Variants in TMTC4 observed in about 807,000 individuals in gnomAD.
TMTC4 encodes the protein protein O-mannosyl-transferase TMTC4.
In TMTC4, 65 loss-of-function variants were observed where a neutral mutation model predicts 86.0. The ratio of observed to expected loss-of-function variants is 0.76; its 90% CI spans 0.62 to 0.93. The LOEUF (loss-of-function observed/expected upper bound fraction) is 0.93. TMTC4 is among the 40% of genes least tolerant of loss of function. TMTC4 has a pLI of 0.00. For synonymous variants in TMTC4, 379 were observed against 382.5 expected, an observed-to-expected ratio of 0.99 and a Z score of 0.11; for missense variants, 866 against 948.1, an observed-to-expected ratio of 0.91 and a Z score of 1.14.
At chr13:100,667,012 T>G (rs1886474721) in intron 3 of TMTC4, among the ~76,000 whole-genome samples, 1 of 151,920 alleles carries the variant, frequency 6.6e-6, no homozygotes, top group Non-Finnish European at 1.5e-5. Flanking sequence ...AAGCCACCAG[T>G]TTGACATAAA....
At chr13:100,652,558 AAT>A (rs200665752) in intron 6 of TMTC4, among the ~76,000 whole-genome samples, 1 of 151,904 alleles carries the variant, frequency 6.6e-6, no homozygotes, top group Non-Finnish European at 1.5e-5. Flanking sequence ...TCCAAATGAA[AAT>A]ATATATATAT....
chr13:100,657,915 G>A (rs1267786960), intron 5 of TMTC4, among the ~76,000 whole-genome samples: 1 of 152,134 alleles, frequency 6.6e-6, no homozygotes, highest in African/African-American at 2.4e-5. Flanking sequence ...TGGTTGGTAC[G>A]TGGCAGCCCG....
At chr13:100,629,506 G>A (rs1881033736) in intron 12 of TMTC4, among the ~76,000 whole-genome samples, 1 of 152,140 alleles carries the variant, frequency 6.6e-6, no homozygotes, top group Admixed American at 6.5e-5. Flanking sequence ...TGTGAAGTTG[G>A]ATTAGAACCA....
intron 3 of TMTC4, among the ~76,000 whole-genome samples, chr13:100,666,630 C>G (rs1047971408): frequency 6.6e-6 from 1 of 152,166 alleles, no homozygotes; most frequent in African/African-American, 2.4e-5. Context: ...ATATTCTCAC[C>G]AAAATGAATA....
intron 15 of TMTC4, among the ~76,000 whole-genome samples, chr13:100,618,308 C>G (rs1031141015): frequency 7.9e-5 from 12 of 152,172 alleles, no homozygotes; most frequent in Non-Finnish European, 1.6e-4. Flanking sequence ...TCTTCTTTTC[C>G]TATTTACATG....
intron 12 of TMTC4, among the ~76,000 whole-genome samples, chr13:100,630,152 T>C (rs1483510513): frequency 6.6e-6 from 1 of 152,064 alleles, no homozygotes; most frequent in Non-Finnish European, 1.5e-5. Flanking sequence ...CAAATAACAT[T>C]ATGTCTGAAC....
At chr13:100,666,310 G>A (rs977877733) in intron 3 of TMTC4, among the ~76,000 whole-genome samples, 6 of 152,158 alleles carry the variant, frequency 3.9e-5, no homozygotes, top group African/African-American at 1.4e-4. Flanking sequence ...CATTACTGTA[G>A]GCACAGTGCC....
intron 15 of TMTC4, among the ~76,000 whole-genome samples, chr13:100,618,668 G>A (rs1305717490): frequency 6.6e-6 from 1 of 151,958 alleles, no homozygotes; most frequent in Non-Finnish European, 1.5e-5. Context: ...CTGGGTACTT[G>A]AGATTAGGGA....
At chr13:100,642,935 C>T (rs1326067048) in intron 6 of TMTC4, among the ~76,000 whole-genome samples, 1 of 152,176 alleles carries the variant, frequency 6.6e-6, no homozygotes, top group Non-Finnish European at 1.5e-5. Context: ...GGCTGGGCTG[C>T]CAATCTGCAT....
chr13:100,646,261 A>C (rs564648098), intron 6 of TMTC4, among the ~76,000 whole-genome samples: 1 of 152,324 alleles, frequency 6.6e-6, no homozygotes, highest in South Asian at 2.1e-4. Flanking sequence ...GCAACTAAAA[A>C]TTGTTCTGAC....
intron 5 of TMTC4, among the ~76,000 whole-genome samples, chr13:100,658,506 G>A (rs1227171584): frequency 3.3e-5 from 5 of 152,054 alleles, no homozygotes; most frequent in African/African-American, 4.8e-5. Flanking sequence ...CCTGTCCGAA[G>A]GGGACCACAG....
chr13:100,606,805 T>C lies in TMTC4; in HGVS notation c.2065-378A>G, dbSNP rs111279264. On this transcript the variant is annotated intron_variant, in intron 17 of 18. Transcript: ENST00000342624. ...CCCATGCCAATGCCATTTCCAGAGC[T>C]CTTGGGGTAGCAGTTGAGGCCCATT... 3.6e-3 allele frequency among the ~76,000 whole-genome samples: 552 copies of C among 152,152 alleles called. 3 individuals carry two copies. The highest frequency in any genetic ancestry group is 0.013 in the African/African-American group (527 of 41,508).
At chr13:100,620,265 GGA>G (rs1879273410) in intron 15 of TMTC4, among the ~76,000 whole-genome samples, 1 of 152,232 alleles carries the variant, frequency 6.6e-6, no homozygotes, top group East Asian at 1.9e-4. Flanking sequence ...TGGATGGTGG[GGA>G]GAGGGGAGCA....
Position 100,656,477 on chromosome 13 carries a change from A to T in TMTC4, c.553-9T>A. 1 of 1,595,880 alleles carries T rather than the reference A, an allele frequency of 6.3e-7. No homozygotes were observed. The highest frequency in any genetic ancestry group is 1.8e-5 in the Admixed American group (1 of 55,760). On this transcript the variant is annotated splice_polypyrimidine_tract_variant and intron_variant, in intron 5 of 18. Transcript: ENST00000342624. ...CCGACAACACCAGCAACCTTAAAAAAGGGGGAAGAAAACAAAGAATTACAT... is the reference window on the plus strand; with the variant it reads ...CCGACAACACCAGCAACCTTAAAAATGGGGGAAGAAAACAAAGAATTACAT...
intron 7 of TMTC4, chr13:100,638,624 A>G (rs1429602486): frequency 6.6e-6 from 1 of 152,196 alleles, no homozygotes; most frequent in Non-Finnish European, 1.5e-5. Context: ...CCTGCAGTTA[A>G]ACTAGGTTGC....
upstream of TMTC4, chr13:100,674,868 C>T (rs1887668685): frequency 4.1e-6 from 4 of 972,858 alleles, no homozygotes; most frequent in Non-Finnish European, 4.9e-6. Context: ...CCCCCCGCGC[C>T]GCGCCTCCCG....
chr13:100,669,811 T>G (rs1042160248), intron 2 of TMTC4, among the ~76,000 whole-genome samples: 2 of 152,122 alleles, frequency 1.3e-5, no homozygotes, highest in Non-Finnish European at 1.5e-5. Flanking sequence ...CCTGGACAGG[T>G]GCTTTCTTTG....
At chr13:100,641,206 A>G (rs931117726) in intron 7 of TMTC4, among the ~76,000 whole-genome samples, 1 of 152,230 alleles carries the variant, frequency 6.6e-6, no homozygotes, top group Non-Finnish European at 1.5e-5. Context: ...GCATAAAAAG[A>G]GTTCTCTGAG....
In TMTC4 at chr13:100,668,495, A is replaced by G. The variant is rs928245121; in HGVS notation, c.219+84T>C. ...GGCCAATGCTTAACCTACATTCCAC[A>G]GAGAACAATGCAACACATACTTAGA... On this transcript the variant is annotated intron_variant, in intron 3 of 18. Coordinates refer to ENST00000342624, the MANE Select transcript of TMTC4 (RefSeq NM_032813.5). The G allele has an allele frequency of 1.3e-4, 180 of 1,397,348 alleles. No homozygotes were observed. In the South Asian group the frequency reaches 2.2e-3, roughly 17 times the overall value. 86.6% of individuals were successfully genotyped at this position (1,397,348 alleles called of 1,614,324 possible).
Sources: gnomAD v4.1 joint callset for allele counts (sites outside exome capture counted in the v4.1 genomes callset) on GRCh38, gnomAD v4.1.1 for gene constraint, MANE v1.5 for transcripts, NCBI Gene and HGNC (gene_info 2026-07-23, HGNC 2026-07-21) for gene names.